Variants in AVL9 observed in about 807,000 individuals in gnomAD.
The protein encoded by AVL9 is late secretory pathway protein AVL9 homolog.
A neutral mutation model predicts 79.2 loss-of-function variants in AVL9; 49 were observed. That is an observed-to-expected ratio of 0.62 (90% CI 0.49 to 0.79). The LOEUF (loss-of-function observed/expected upper bound fraction) is 0.79. AVL9 is among the 30% of genes least tolerant of loss of function. The pLI, the probability that AVL9 is intolerant of heterozygous loss-of-function variation, is 0.00. For missense variants in AVL9, 682 were observed against 776.8 expected (o/e 0.88, Z 1.45); for synonymous variants, 299 against 280.6 (o/e 1.07, Z -0.65).
Position 32,587,764 on chromosome 7 carries a change from G to T in AVL9, c.*3857G>T, listed in dbSNP as rs1050425348. 1 of 152,338 alleles carries T rather than the reference G, an allele frequency of 6.6e-6. No homozygotes were observed. Among genetic ancestry groups the T allele is most frequent in the Non-Finnish European group, 1.5e-5 (1 of 68,036 alleles). 9.4% of individuals were successfully genotyped at this position (152,338 alleles called of 1,614,324 possible). ...GTCATTCCATGCAGCATAATGTGCC[G>T]TGAGGAGTTTTCTCATTCCAGTTCT... On this transcript the variant is annotated 3_prime_UTR_variant, in exon 16 of 16. Coordinates refer to ENST00000318709, the MANE Select transcript of AVL9 (RefSeq NM_015060.3).
At chr7:32,555,531 T>C (rs1239244232) in intron 8 of AVL9, among the ~76,000 whole-genome samples, 1 of 152,230 alleles carries the variant, frequency 6.6e-6, no homozygotes, top group East Asian at 1.9e-4. Flanking sequence ...AAATCTGACC[T>C]ACTACCTATT....
chr7:32,582,487 T>C (rs1251651438), intron 15 of AVL9, among the ~76,000 whole-genome samples: 3 of 152,248 alleles, frequency 2.0e-5, no homozygotes, highest in Admixed American at 6.5e-5. Context: ...CCAAACAATA[T>C]GCCTTTGGCT....
chr7:32,562,140 G>A (rs1361693116), intron 10 of AVL9, among the ~76,000 whole-genome samples: 1 of 152,210 alleles, frequency 6.6e-6, no homozygotes, highest in East Asian at 1.9e-4. Context: ...ACAGGGAAGT[G>A]AGCACAGGCT....
chr7:32,502,420 G>GT (rs1246510589), intron 1 of AVL9, among the ~76,000 whole-genome samples: 1 of 124,782 alleles, frequency 8.0e-6, no homozygotes, highest in Non-Finnish European at 1.8e-5. Flanking sequence ...GAAAGAAAAG[G>GT]TATCAAACCA....
In AVL9 at chr7:32,507,649, G is replaced by C. The variant is rs541694582; in HGVS notation, c.93+11847G>C. Among the ~76,000 whole-genome samples the C allele has an allele frequency of 2.6e-5, 4 of 152,174 alleles. No homozygotes were observed. In the South Asian group the frequency reaches 8.3e-4, roughly 32 times the overall value. On this transcript the variant is annotated intron_variant, in intron 1 of 15. Transcript: ENST00000318709. ...TAAACCACAATTTATTTATTCAACT[G>C]TTGACAGGCATTCGGTTGTTTCATC...
intron 11 of AVL9, among the ~76,000 whole-genome samples, chr7:32,572,053 G>A (rs865952487): frequency 2.0e-5 from 3 of 150,532 alleles, no homozygotes; most frequent in South Asian, 2.1e-4. Flanking sequence ...TCCCAGCTAC[G>A]CGGGAGGCTG....
At chr7:32,551,579 C>G (rs1297494556) in intron 5 of AVL9, among the ~76,000 whole-genome samples, 156 bp downstream of exon 5, 1 of 134,140 alleles carries the variant, frequency 7.5e-6, no homozygotes, top group East Asian at 2.2e-4. Flanking sequence ...GACTAGGAAT[C>G]TGCCCAAATA....
chr7:32,516,413 G>A (rs141655681), intron 1 of AVL9, among the ~76,000 whole-genome samples: 1,878 of 152,122 alleles, frequency 0.012, 44 homozygotes, highest in African/African-American at 0.041. Context: ...GGGCATTTGC[G>A]TGAGGAACTG....
chr7:32,516,023 C>T (rs1787889495), intron 1 of AVL9, among the ~76,000 whole-genome samples: 1 of 152,214 alleles, frequency 6.6e-6, no homozygotes, highest in African/African-American at 2.4e-5. Context: ...GACTCAAACC[C>T]CTTAAAGAAC....
intron 6 of AVL9, among the ~76,000 whole-genome samples, chr7:32,553,264 A>G (rs1280862055): frequency 1.3e-5 from 2 of 152,156 alleles, no homozygotes; most frequent in Non-Finnish European, 2.9e-5. Context: ...ATGACCAAAA[A>G]CCTTGTTTAA....
intron 1 of AVL9, chr7:32,535,274 A>C (rs1311699563): frequency 6.6e-6 from 1 of 152,158 alleles, no homozygotes; most frequent in African/African-American, 2.4e-5. Flanking sequence ...GTTTCCACTG[A>C]GCTCCTTCAT....
intron 1 of AVL9, among the ~76,000 whole-genome samples, chr7:32,518,969 ATC>A (rs1030905697): frequency 6.6e-6 from 1 of 152,216 alleles, no homozygotes; most frequent in African/African-American, 2.4e-5. Flanking sequence ...CTACTCAAAT[ATC>A]TCAAGCTTAA....
At chr7:32,499,211 A>G (rs1359972572) in intron 1 of AVL9, among the ~76,000 whole-genome samples, 1 of 152,018 alleles carries the variant, frequency 6.6e-6, no homozygotes, top group East Asian at 1.9e-4. Flanking sequence ...TTGGCATGAA[A>G]TAATTTATGG....
chr7:32,545,658 A>T (rs1271822045), intron 3 of AVL9, among the ~76,000 whole-genome samples: 1 of 152,004 alleles, frequency 6.6e-6, no homozygotes. Context: ...TCCAGCCTTG[A>T]TTATTCTTAA....
intron 3 of AVL9, among the ~76,000 whole-genome samples, chr7:32,545,328 A>C (rs966793544): frequency 1.4e-5 from 2 of 147,384 alleles, no homozygotes; most frequent in African/African-American, 2.5e-5. Context: ...GGGGCTCCCA[A>C]CTACTCATAA....
chr7:32,542,569 A>G (rs1265003568), intron 1 of AVL9, among the ~76,000 whole-genome samples: 2 of 152,120 alleles, frequency 1.3e-5, no homozygotes, highest in African/African-American at 4.8e-5. Context: ...GAAAAAAGAA[A>G]AAAAGAAGAA....
At chr7:32,573,007 C>T (rs934914407) in intron 11 of AVL9, among the ~76,000 whole-genome samples, 192 bp from the exon 12 acceptor site, 8 of 151,986 alleles carry the variant, frequency 5.3e-5, no homozygotes, top group African/African-American at 1.9e-4. Flanking sequence ...TTTCTAAAAA[C>T]AGAAAATGAG....
intron 1 of AVL9, among the ~76,000 whole-genome samples, chr7:32,518,978 TTAA>T (rs1208788553): frequency 1.3e-5 from 2 of 152,218 alleles, no homozygotes; most frequent in Non-Finnish European, 2.9e-5. Context: ...TATCTCAAGC[TTAA>T]TAATCTATAG....
In AVL9 at chr7:32,544,712, T is replaced by C. The variant is rs1427276332; in HGVS notation, c.233T>C (p.Leu78Ser). The change falls in exon 3 of 16, where the codon TTG becomes TCG. Residue 78 changes from leucine (L) to serine (S), a missense_variant. Leu to Ser is a moderately radical substitution (Grantham distance 145, BLOSUM62 -2). Transcript: ENST00000318709. ...NYQEDTVFFH[L>S]PPRNGNGATV... ...CTCTTAGATACTGTGTTTTTTCACT[T>C]GCCACCCAGAAATGGAAATGGAGCC... 1 of 1,613,770 alleles carries C rather than the reference T, an allele frequency of 6.2e-7. No homozygotes were observed. The highest frequency in any genetic ancestry group is 1.7e-4 in the Middle Eastern group (1 of 6,058).
Sources: allele counts gnomAD v4.1 joint callset (sites outside exome capture counted in the v4.1 genomes callset), GRCh38; gene constraint gnomAD v4.1.1; transcripts MANE v1.5; gene names NCBI Gene and HGNC (gene_info 2026-07-23, HGNC 2026-07-21).